The following AFAP1 variants were observed in gnomAD, a reference collection of about 807,000 sequenced individuals.
AFAP1 encodes the protein actin filament associated protein 1.
Under a neutral mutation model 93.9 loss-of-function variants are expected in AFAP1, and 75 were observed. The ratio of observed to expected loss-of-function variants is 0.80; its 90% CI spans 0.66 to 0.97. AFAP1 has a LOEUF of 0.97. Among genes scored for constraint, AFAP1 ranks in the 50% least tolerant of loss-of-function variants. The pLI is 0.00. For missense variants in AFAP1, 1,201 were observed against 1,050.8 expected, an observed-to-expected ratio of 1.14 and a Z score of -1.98; for synonymous variants, 517 against 430.7, an observed-to-expected ratio of 1.20 and a Z score of -2.48.
chr4:7,791,275 T>G (rs1350614798), intron 11 of AFAP1, among the ~76,000 whole-genome samples: 2 of 152,224 alleles, frequency 1.3e-5, no homozygotes, highest in African/African-American at 4.8e-5. Flanking sequence ...TGACCAGCTT[T>G]GTTTTCATTC....
At chr4:7,799,820 T>A (rs1279267935) in intron 10 of AFAP1, among the ~76,000 whole-genome samples, 14 of 152,220 alleles carry the variant, frequency 9.2e-5, no homozygotes. Flanking sequence ...GAGTTTTAAC[T>A]GTCTTTTCTG....
intron 16 of AFAP1, among the ~76,000 whole-genome samples, chr4:7,771,440 A>C (rs1715427982): frequency 6.6e-6 from 1 of 152,130 alleles, no homozygotes; most frequent in South Asian, 2.1e-4. Context: ...TGTTGAATGA[A>C]TATATGATTT....
rs1007655484 is a variant in AFAP1, at chr4:7,759,356, G to A, written c.*4409C>T. ...CGGAACTATTTCATGAACTACGGGCGAAAGGATGCGTCTGACGCCCACCAC... is the reference window on the plus strand; with the variant it reads ...CGGAACTATTTCATGAACTACGGGCAAAAGGATGCGTCTGACGCCCACCAC... On this transcript the variant is annotated 3_prime_UTR_variant, in exon 18 of 18. Coordinates refer to ENST00000420658, the MANE Select transcript of AFAP1 (RefSeq NM_001134647.2). 3.3e-5 allele frequency: 5 copies of A among 152,630 alleles called. No individual in the cohort carries two copies. Among genetic ancestry groups the A allele is most frequent in the Admixed American group, 1.3e-4 (2 of 15,284 alleles). 9.5% of individuals were successfully genotyped at this position (152,630 alleles called of 1,614,324 possible). A position where few individuals can be genotyped will look rare whatever the true frequency, so the allele number is the denominator to read the frequency against.
chr4:7,934,896 A>C (rs1007070489), intron 1 of AFAP1, among the ~76,000 whole-genome samples: 1 of 152,230 alleles, frequency 6.6e-6, no homozygotes, highest in Non-Finnish European at 1.5e-5. Context: ...CATTTTTTAC[A>C]CGGGAATGTA....
Position 7,774,409 on chromosome 4 carries a change from G to A in AFAP1, c.2062+330C>T, listed in dbSNP as rs533189632. ...CTACCCGGTGACCAGAATCTACTGC[G>A]TCCTGCGGATACAGGGGCCATCCTC... On this transcript the variant is annotated intron_variant, in intron 15 of 17. Transcript: ENST00000420658. The A allele has an allele frequency of 1.5e-3, 436 of 294,232 alleles. 2 individuals carry two copies. The highest frequency in any genetic ancestry group is 8.8e-3 in the African/African-American group (406 of 45,986). 18.2% of individuals were successfully genotyped at this position (294,232 alleles called of 1,614,324 possible).
intron 3 of AFAP1, among the ~76,000 whole-genome samples, chr4:7,863,837 A>G (rs183459123): frequency 1.3e-5 from 2 of 152,358 alleles, no homozygotes; most frequent in East Asian, 3.9e-4. Context: ...TCATGCCACA[A>G]AAGAGGTAAA....
intron 1 of AFAP1, among the ~76,000 whole-genome samples, chr4:7,932,759 C>T (rs182871563): frequency 1.1e-4 from 17 of 152,138 alleles, no homozygotes; most frequent in African/African-American, 3.9e-4. Flanking sequence ...CAGTGGCTCA[C>T]GCCTGTAATT....
chr4:7,897,237 T>C (rs1167039589), intron 1 of AFAP1, among the ~76,000 whole-genome samples: 2 of 152,174 alleles, frequency 1.3e-5, no homozygotes, highest in Non-Finnish European at 2.9e-5. Flanking sequence ...AAGCTGTTGA[T>C]GATGAATTTT....
chr4:7,791,553 A>C (rs1717855048), intron 11 of AFAP1, among the ~76,000 whole-genome samples: 1 of 152,308 alleles, frequency 6.6e-6, no homozygotes. Context: ...ATTCATTGTT[A>C]TTCACTTAAA....
intron 2 of AFAP1, among the ~76,000 whole-genome samples, chr4:7,869,090 A>G (rs778461326): frequency 1.3e-5 from 2 of 151,822 alleles, no homozygotes; most frequent in Non-Finnish European, 2.9e-5. Context: ...GAAAAGAGAA[A>G]GAAAAAGAGA....
chr4:7,851,283 G>A (rs1714405776), intron 4 of AFAP1, among the ~76,000 whole-genome samples: 1 of 152,112 alleles, frequency 6.6e-6, no homozygotes, highest in South Asian at 2.1e-4. Context: ...CCATGAAGGG[G>A]CACTCCATCC....
At chr4:7,778,639 G>A in intron 14 of AFAP1, 123 bp downstream of exon 14, 1 of 908,524 alleles carries the variant, frequency 1.1e-6, no homozygotes, top group Non-Finnish European at 1.8e-6. Context: ...GGATGACGGT[G>A]CCCACCGCTC....
chr4:7,891,743 T>TTA (rs1718485449), intron 1 of AFAP1, among the ~76,000 whole-genome samples: 1 of 62,802 alleles, frequency 1.6e-5, no homozygotes, highest in South Asian at 5.2e-4. Flanking sequence ...ATGGTCTCAT[T>TTA]AAAAAAAAAA....
chr4:7,846,359 T>G (rs936153803), intron 4 of AFAP1, among the ~76,000 whole-genome samples: 4 of 152,154 alleles, frequency 2.6e-5, no homozygotes, highest in African/African-American at 9.7e-5. Flanking sequence ...AACAAGGGTA[T>G]GTGGAAGGAA....
chr4:7,772,953 C>A lies in AFAP1; in HGVS notation c.2120G>T (p.Arg707Leu). Residue 707 changes from arginine (R) to leucine (L), a missense_variant, in exon 16 of 18, where the codon CGG becomes CTG. Coordinates refer to ENST00000420658, the MANE Select transcript of AFAP1 (RefSeq NM_001134647.2). ...GCTGACACGCTCCGCCTCCTTCTGC[C>A]GGCACTCCTCCTCCAGCTGCTTCAG... ...EKLKQLEEEC[R>L]QKEAERVSLE... 1 of 1,613,460 alleles carries A rather than the reference C, an allele frequency of 6.2e-7. No homozygotes were observed.
At chr4:7,924,049 T>C (rs145125616) in intron 1 of AFAP1, among the ~76,000 whole-genome samples, 1 of 152,368 alleles carries the variant, frequency 6.6e-6, no homozygotes, top group Non-Finnish European at 1.5e-5. Flanking sequence ...CAATTTAAAA[T>C]GTCTGATAGC....
At chr4:7,932,424 T>A (rs1294342115) in intron 1 of AFAP1, among the ~76,000 whole-genome samples, 2 of 152,214 alleles carry the variant, frequency 1.3e-5, no homozygotes, top group Non-Finnish European at 2.9e-5. Flanking sequence ...AACTCAGGAA[T>A]GTGAATCGCT....
intron 1 of AFAP1, among the ~76,000 whole-genome samples, chr4:7,889,785 T>A (rs1162110571): frequency 1.3e-5 from 2 of 149,606 alleles, no homozygotes; most frequent in East Asian, 2.0e-4. Flanking sequence ...ATATGTTAAA[T>A]ATATTAGGAT....
At chr4:7,838,078 C>G (rs932024750) in intron 6 of AFAP1, among the ~76,000 whole-genome samples, 2 of 152,014 alleles carry the variant, frequency 1.3e-5, no homozygotes, top group African/African-American at 4.8e-5. Flanking sequence ...GTGAGAAAGT[C>G]TAACATATAT....
Sources: allele counts gnomAD v4.1 joint callset (sites outside exome capture counted in the v4.1 genomes callset), GRCh38; gene constraint gnomAD v4.1.1; transcripts MANE v1.5; gene names NCBI Gene and HGNC (gene_info 2026-07-23, HGNC 2026-07-21).